ERMP1: variants seen among roughly 807,000 people sequenced by gnomAD.
ERMP1 encodes the protein Felix-ina.
In ERMP1, 86 loss-of-function variants were observed where a neutral mutation model predicts 92.0. The observed-to-expected ratio is 0.93, with a 90% CI of 0.79 to 1.12. The LOEUF (loss-of-function observed/expected upper bound fraction) is 1.12, where lower values mean the gene tolerates loss of function less well. Ranked by LOEUF, ERMP1 falls within the 50% of genes most tolerant of loss-of-function variation. ERMP1 has a pLI of 0.00. For synonymous variants in ERMP1, 530 were observed against 412.8 expected (o/e 1.28, Z -3.44); for missense variants, 1,342 against 1,116.3 (o/e 1.20, Z -2.88).
intron 2 of ERMP1, among the ~76,000 whole-genome samples, chr9:5,828,196 T>C (rs913697595): frequency 5.9e-5 from 9 of 152,236 alleles, no homozygotes; most frequent in South Asian, 2.1e-4. Flanking sequence ...TGGCCTTTAA[T>C]TATTAGACTC....
intron 11 of ERMP1, among the ~76,000 whole-genome samples, chr9:5,800,226 A>G (rs971682158): frequency 6.6e-6 from 1 of 152,256 alleles, no homozygotes; most frequent in Non-Finnish European, 1.5e-5. Flanking sequence ...GATGGGTATA[A>G]GGCATAAGAT....
chr9:5,834,989 G>A (rs1251301828), upstream of ERMP1, among the ~76,000 whole-genome samples: 8 of 144,580 alleles, frequency 5.5e-5, 1 homozygote, highest in Middle Eastern at 3.5e-3. Flanking sequence ...GTGTGTGTGT[G>A]TGTGTGTGTG....
At chr9:5,851,174 G>A (rs1437754155) in intron 6 of ERMP1, among the ~76,000 whole-genome samples, 2 of 152,180 alleles carry the variant, frequency 1.3e-5, no homozygotes, top group African/African-American at 2.4e-5. Context: ...AGTGCATCTT[G>A]TAATTGATTT....
Position 5,784,881 on chromosome 9 carries a change from G to A in ERMP1, c.*2263C>T, listed in dbSNP as rs926820582. On this transcript the variant is annotated 3_prime_UTR_variant, in exon 15 of 15. Coordinates refer to ENST00000339450, the MANE Select transcript of ERMP1 (RefSeq NM_024896.3). ...TACTGTACTACTAACATCTAATTCT[G>A]TAGAAAATAATGCATTTGTTAGTGA... 2 of 152,534 alleles carry A rather than the reference G, an allele frequency of 1.3e-5. No individual in the cohort carries two copies. The highest frequency in any genetic ancestry group is 4.1e-4 in the South Asian group (2 of 4,828). 9.4% of individuals were successfully genotyped at this position (152,534 alleles called of 1,614,324 possible).
chr9:5,865,828 G>C (rs1333569124), intron 5 of ERMP1, among the ~76,000 whole-genome samples: 1 of 115,804 alleles, frequency 8.6e-6, no homozygotes, highest in Non-Finnish European at 1.8e-5. Flanking sequence ...ACAGAGTGAG[G>C]CTCTGTCTCA....
chr9:5,791,364 CTT>C (rs936909294), intron 13 of ERMP1: 2 of 454,310 alleles, frequency 4.4e-6, no homozygotes, highest in African/African-American at 4.0e-5. Context: ...GAAGGTCAGT[CTT>C]TTTCTCAAGG....
At chr9:5,825,272 T>G (rs1008677675) in intron 2 of ERMP1, 53 bp from the exon 3 acceptor site, 1 of 1,563,646 alleles carries the variant, frequency 6.4e-7, no homozygotes, top group African/African-American at 1.4e-5. Context: ...GTTTACAATA[T>G]GACCCATTAG....
At chr9:5,794,091 GCT>G (rs1327756987) in intron 13 of ERMP1, among the ~76,000 whole-genome samples, 6 of 152,054 alleles carry the variant, frequency 3.9e-5, no homozygotes, top group African/African-American at 1.4e-4. Context: ...TACAAAGTAT[GCT>G]CTCAGACCAC....
intron 5 of ERMP1, among the ~76,000 whole-genome samples, chr9:5,863,149 G>C (rs951729493): frequency 2.6e-5 from 4 of 152,134 alleles, no homozygotes; most frequent in Non-Finnish European, 4.4e-5. Context: ...TGCTATCTTA[G>C]GCTAGTACTG....
chr9:5,788,864 T>C (rs558792880), intron 13 of ERMP1, among the ~76,000 whole-genome samples: 20 of 151,674 alleles, frequency 1.3e-4, no homozygotes, highest in Non-Finnish European at 2.8e-4. Flanking sequence ...AGAAAAGAAA[T>C]GGAGGAAAAA....
At chr9:5,802,995 T>A (rs1210373687) in intron 10 of ERMP1, among the ~76,000 whole-genome samples, 1 of 152,036 alleles carries the variant, frequency 6.6e-6, no homozygotes, top group African/African-American at 2.4e-5. Context: ...ATTACACCAC[T>A]GCACTCCAGC....
Position 5,857,432 on chromosome 9 carries a change from G to A in ERMP1, n.3199+2036C>T, listed in dbSNP as rs114954572. ...CAACTCAAAATTTTTACAACTCTGC[G>A]TGTGTCTCAATGACCACAAAAGTGC... is the stretch of plus-strand genomic sequence containing the variant. On this transcript the variant is annotated intron_variant and non_coding_transcript_variant, in intron 6 of 6. Transcript: ENST00000690753. Among the ~76,000 whole-genome samples the A allele has an allele frequency of 1.4e-3, 210 of 152,258 alleles. 1 individual carries two copies. Among genetic ancestry groups the A allele is most frequent in the African/African-American group, 3.4e-3 (142 of 41,542 alleles).
intron 12 of ERMP1, 135 bp from the exon 13 acceptor site, chr9:5,798,067 A>T: frequency 1.5e-6 from 1 of 662,064 alleles, no homozygotes; most frequent in South Asian, 1.7e-5. Context: ...AGCAATGCCA[A>T]CTCCAACAAA....
upstream of ERMP1, among the ~76,000 whole-genome samples, chr9:5,837,589 G>C (rs1300872915): frequency 6.6e-6 from 1 of 152,114 alleles, no homozygotes; most frequent in Non-Finnish European, 1.5e-5. Flanking sequence ...AATGACAAAT[G>C]GAGGACATGA....
chr9:5,801,335 C>T lies in ERMP1; in HGVS notation c.1915-7G>A, dbSNP rs1828665181. 1 of 1,604,572 alleles carries T rather than the reference C, an allele frequency of 6.2e-7. No homozygotes were observed. The highest frequency in any genetic ancestry group is 1.1e-5 in the South Asian group (1 of 88,970). On this transcript the variant is annotated splice_polypyrimidine_tract_variant and splice_region_variant and intron_variant, in intron 10 of 14. Coordinates refer to ENST00000339450, the MANE Select transcript of ERMP1 (RefSeq NM_024896.3). ...CAAGGTAGATGAAGTTAATCTGAAA[C>T]ACAAACCACAAACACAGAAATATTA...
intron 6 of ERMP1, among the ~76,000 whole-genome samples, chr9:5,842,271 T>C (rs1830174662): frequency 6.6e-6 from 1 of 151,922 alleles, no homozygotes; most frequent in Non-Finnish European, 1.5e-5. Context: ...TGATGATTGG[T>C]GCATTTACAA....
Position 5,832,872 on chromosome 9 carries a change from C to T in ERMP1, c.156G>A (p.Arg52=). The T allele has an allele frequency of 6.5e-7, 1 of 1,528,132 alleles. No homozygotes were observed. Among genetic ancestry groups the T allele is most frequent in the Non-Finnish European group, 8.7e-7 (1 of 1,147,306 alleles). The allele number at this position is 1,528,132 out of a possible 1,614,324, so 94.7% of individuals were successfully genotyped here. A position where few individuals can be genotyped will look rare whatever the true frequency, so the allele number is the denominator to read the frequency against. ...TCGCGCCGCCGCTACCCCCGGGGCTCCTCTTCCGCGTCCTCCCGCCGCCGC... is the reference window on the plus strand; with the variant it reads ...TCGCGCCGCCGCTACCCCCGGGGCTTCTCTTCCGCGTCCTCCCGCCGCCGC... ...GCSGGGRTRK[R]SPGGSGGASR... is the part of the protein sequence containing the mutation. Residue 52 remains arginine (R), a synonymous_variant, in exon 1 of 15, where the codon AGG becomes AGA. Transcript: ENST00000339450.
At chr9:5,843,191 T>C (rs1830187096) in intron 6 of ERMP1, among the ~76,000 whole-genome samples, 1 of 152,226 alleles carries the variant, frequency 6.6e-6, no homozygotes, top group African/African-American at 2.4e-5. Flanking sequence ...TGGTAAGGAC[T>C]GGCGTGAACT....
chr9:5,826,500 C>T (rs991507330), intron 2 of ERMP1, among the ~76,000 whole-genome samples: 1 of 152,196 alleles, frequency 6.6e-6, no homozygotes, highest in African/African-American at 2.4e-5. Flanking sequence ...ATTTTTCCCT[C>T]TCTTTGCAAA....
Sources: gnomAD v4.1 joint callset for allele counts (sites outside exome capture counted in the v4.1 genomes callset) on GRCh38, gnomAD v4.1.1 for gene constraint, MANE v1.5 for transcripts, NCBI Gene and HGNC (gene_info 2026-07-23, HGNC 2026-07-21) for gene names.